The following KIF4A variants were observed in gnomAD, a reference collection of about 807,000 sequenced individuals.
KIF4A encodes chromosome-associated kinesin KIF4A.
KIF4A carries 7 observed loss-of-function variants against 105.9 expected under a neutral mutation model. The observed-to-expected ratio is 0.07, with a 90% CI of 0.04 to 0.12. The LOEUF (loss-of-function observed/expected upper bound fraction) is 0.12, where lower values mean the gene tolerates loss of function less well. Among genes scored for constraint, KIF4A ranks in the 10% least tolerant of loss-of-function variants. The pLI, the probability that KIF4A is intolerant of heterozygous loss-of-function variation, is 1.00. For synonymous variants in KIF4A, 281 were observed against 331.3 expected (o/e 0.85, Z 1.65); for missense variants, 558 against 929.2 (o/e 0.60, Z 5.19).
At chrX:70,367,617 T>C (rs757504641) in intron 15 of KIF4A, among the ~76,000 whole-genome samples, 395 of 112,338 alleles carry the variant, frequency 3.5e-3, no homozygotes, top group Non-Finnish European at 5.9e-3. Context: ...TGCCAAGAGA[T>C]CAGCTGTTAG....
intron 10 of KIF4A, among the ~76,000 whole-genome samples, chrX:70,335,531 G>A (rs778198526): frequency 6.6e-4 from 74 of 112,145 alleles, no homozygotes; most frequent in African/African-American, 2.2e-3. Flanking sequence ...AAGATGGTAA[G>A]TTTTATGTTT....
chrX:70,395,551 G>A (rs1050593426), intron 20 of KIF4A, 120 bp from the exon 21 acceptor site: 1 of 883,920 alleles, frequency 1.1e-6, no homozygotes, highest in Non-Finnish European at 1.6e-6. Flanking sequence ...GGTATGAATG[G>A]ATATCACACT....
chrX:70,369,141 G>A (rs771668111), intron 15 of KIF4A, among the ~76,000 whole-genome samples: 82 of 112,344 alleles, frequency 7.3e-4, no homozygotes, highest in African/African-American at 2.3e-3. Flanking sequence ...TCCAGGTGCC[G>A]TCTGTCACCC....
chrX:70,381,742 A>G (rs1022322499), intron 18 of KIF4A, among the ~76,000 whole-genome samples: 27 of 111,803 alleles, frequency 2.4e-4, no homozygotes, highest in African/African-American at 8.8e-4. Context: ...CTAAAGATGG[A>G]ATACCCTTCA....
At chrX:70,362,421 C>CTG (rs1478718504) in intron 15 of KIF4A, 3 of 163,898 alleles carry the variant, frequency 1.8e-5, no homozygotes, top group Non-Finnish European at 3.5e-5. Flanking sequence ...ATTCCTAACT[C>CTG]TACAAAGGGG....
chrX:70,412,137 G>A (rs2086324760), intron 28 of KIF4A, among the ~76,000 whole-genome samples: 1 of 111,509 alleles, frequency 9.0e-6, no homozygotes, highest in Non-Finnish European at 1.9e-5. Flanking sequence ...TGGCATTCAC[G>A]CAACTACATC....
intron 10 of KIF4A, among the ~76,000 whole-genome samples, chrX:70,341,412 G>A (rs2039624728): frequency 9.0e-6 from 1 of 111,073 alleles, no homozygotes; most frequent in Non-Finnish European, 1.9e-5. Flanking sequence ...CTTTAATTAG[G>A]GATTGAGGGT....
intron 10 of KIF4A, among the ~76,000 whole-genome samples, chrX:70,336,973 C>T (rs1380335678): frequency 8.9e-6 from 1 of 111,950 alleles, no homozygotes; most frequent in Non-Finnish European, 1.9e-5. Flanking sequence ...ACTCTAGGTA[C>T]CTCATATGAA....
intron 15 of KIF4A, among the ~76,000 whole-genome samples, chrX:70,365,607 C>A (rs757130752): frequency 5.4e-5 from 6 of 111,164 alleles, no homozygotes; most frequent in Non-Finnish European, 7.5e-5. Context: ...TTGATCATGG[C>A]GGATAAGCTT....
At chrX:70,354,462 C>A (rs935617532) in intron 15 of KIF4A, among the ~76,000 whole-genome samples, 1 of 112,618 alleles carries the variant, frequency 8.9e-6, no homozygotes, top group Non-Finnish European at 1.9e-5. Context: ...TATTGAGGAA[C>A]AGCTCTAGTA....
In KIF4A at chrX:70,310,213, T is replaced by G. The variant is rs142014865; in HGVS notation, c.778+7815T>G. 5.1e-3 allele frequency among the ~76,000 whole-genome samples: 562 copies of G among 110,841 alleles called. 26 individuals carry two copies. In the East Asian group the frequency reaches 0.092, roughly 18 times the overall value. ...GTGCCCCTTTCCAGTCAATCCATCC[T>G]TCCCCCATTCCACTTCCAGCAACCA... On this transcript the variant is annotated intron_variant, in intron 7 of 30. Coordinates refer to ENST00000374403, the MANE Select transcript of KIF4A (RefSeq NM_012310.5).
intron 18 of KIF4A, among the ~76,000 whole-genome samples, chrX:70,381,405 C>T (rs774522972): frequency 1.3e-4 from 14 of 110,607 alleles, no homozygotes; most frequent in Non-Finnish European, 2.6e-4. Flanking sequence ...GGTGTGGTGA[C>T]AGGCACCTGT....
At chrX:70,397,441 A>C in intron 22 of KIF4A, among the ~76,000 whole-genome samples, 1 of 111,976 alleles carries the variant, frequency 8.9e-6, no homozygotes, top group Middle Eastern at 4.6e-3. Context: ...AAGAAAGAAA[A>C]GAAAAAGAAG....
chrX:70,322,809 A>G (rs2085896722), intron 7 of KIF4A, among the ~76,000 whole-genome samples: 1 of 107,322 alleles, frequency 9.3e-6, no homozygotes, highest in Non-Finnish European at 1.9e-5. Context: ...TCTTTTCTCT[A>G]ACCCTACTAC....
At position 70,406,298 on chromosome X, in the gene KIF4A, C is replaced by T. The variant is rs769210689; in HGVS notation, c.3016C>T (p.Leu1006Phe). The T allele has an allele frequency of 2.5e-6, 3 of 1,209,683 alleles. No homozygotes were observed. In the South Asian group the frequency reaches 5.3e-5, roughly 21 times the overall value. ...LLQVASRQKH[L>F]PKDTLLSPDS... is the part of the protein sequence containing the mutation. Reference sequence around the variant, plus strand: ...CCAGGTAGCCAGCAGACAGAAACATCTTCCTAAGGATACCCTTCTATCTCC... The same window carrying T: ...CCAGGTAGCCAGCAGACAGAAACATTTTCCTAAGGATACCCTTCTATCTCC... Residue 1006 changes from leucine to phenylalanine, a missense_variant, in exon 27 of 31, where the codon CTT becomes TTT. Leu to Phe is a conservative substitution (Grantham distance 22). This residue lies in a region of KIF4A where 469 missense variants were observed against 680.4 expected (regional missense o/e 0.69). Transcript: ENST00000374403.
chrX:70,321,705 C>A (rs2085890839), intron 7 of KIF4A, among the ~76,000 whole-genome samples: 2 of 111,445 alleles, frequency 1.8e-5, no homozygotes, highest in Non-Finnish European at 3.8e-5. Flanking sequence ...TTAAAATAAA[C>A]AAAATATTTC....
chrX:70,362,919 A>G (rs2086082624), intron 15 of KIF4A, among the ~76,000 whole-genome samples: 1 of 110,064 alleles, frequency 9.1e-6, no homozygotes. Context: ...AGCAGTTTTT[A>G]ATTCAATTAT....
intron 18 of KIF4A, among the ~76,000 whole-genome samples, chrX:70,381,428 T>C (rs978525222): frequency 1.8e-5 from 2 of 110,707 alleles, no homozygotes; most frequent in Non-Finnish European, 3.8e-5. Flanking sequence ...TCGCAGCTAC[T>C]TAGGAGGCTG....
In KIF4A at chrX:70,404,715, G is replaced by A; in HGVS notation, c.2791G>A (p.Val931Met). The A allele has an allele frequency of 5.8e-6, 7 of 1,196,914 alleles. No homozygotes were observed. The highest frequency in any genetic ancestry group is 7.9e-6 in the Non-Finnish European group (7 of 885,060). The change falls in exon 25 of 31, where the codon GTG (valine) becomes ATG (methionine). Residue 931 changes from valine (V) to methionine (M), a missense_variant and splice_region_variant. Val to Met is a conservative substitution (Grantham distance 21). Transcript: ENST00000374403. ...CCCATTGGATCGTGTCTTTCTCTAG[G>A]TGCTGTACCTTCTCAGCCAGCTGCA... ...VRMEQQHQEK[V>M]LYLLSQLQQS...
Sources: allele counts gnomAD v4.1 joint callset (sites outside exome capture counted in the v4.1 genomes callset), GRCh38; gene constraint gnomAD v4.1.1; regional missense constraint gnomAD v4.1.1; transcripts MANE v1.5; gene names NCBI Gene and HGNC (gene_info 2026-07-23, HGNC 2026-07-21).